The following MYH14 variants were observed in gnomAD, a reference collection of about 807,000 sequenced individuals.
MYH14 encodes myosin heavy chain 14, also known as myosin-14.
A neutral mutation model predicts 255.5 loss-of-function variants in MYH14; 123 were observed. That is an observed-to-expected ratio of 0.48 (90% CI 0.42 to 0.56). MYH14 has a LOEUF of 0.56. Ranked by LOEUF, MYH14 falls within the 20% of genes least tolerant of loss-of-function variation. The probability of loss-of-function intolerance (pLI) is 0.00; values close to 1 mark genes in which losing one functional copy is unlikely to be tolerated. For missense variants in MYH14, 2,423 were observed against 2,802.3 expected (o/e 0.86, Z 3.06); for synonymous variants, 1,095 against 1,161.2 (o/e 0.94, Z 1.16).
chr19:50,261,097 C>T (rs1163197240), intron 20 of MYH14, among the ~76,000 whole-genome samples: 1 of 99,004 alleles, frequency 1.0e-5, no homozygotes, highest in African/African-American at 4.1e-5. Flanking sequence ...AACTCTTCTC[C>T]CCTATCACCC....
At chr19:50,222,692 C>G (rs1477980124) in intron 3 of MYH14, among the ~76,000 whole-genome samples, 2 of 152,060 alleles carry the variant, frequency 1.3e-5, no homozygotes, top group African/African-American at 4.8e-5. Flanking sequence ...CTGTGTTAGG[C>G]CCAGGGCAGG....
At chr19:50,275,039 T>C (rs1344848167) in intron 27 of MYH14, among the ~76,000 whole-genome samples, 1 of 152,184 alleles carries the variant, frequency 6.6e-6, no homozygotes, top group Non-Finnish European at 1.5e-5. Flanking sequence ...ATTCTAGATA[T>C]TTCATACAAC....
Position 50,277,151 on chromosome 19 carries a change from G to C in MYH14, c.3825+250G>C, listed in dbSNP as rs1044654711. Among the ~76,000 whole-genome samples the C allele has an allele frequency of 2.6e-5, 4 of 152,332 alleles. 1 individual carries two copies. Among genetic ancestry groups the C allele is most frequent in the East Asian group, 3.9e-4 (2 of 5,190 alleles). ...CTTCCCTTGTGGAGCTTTCCTTTTA[G>C]TGAGAGAGGCAGAGGGTAAACAATA... On this transcript the variant is annotated intron_variant, in intron 29 of 42. Transcript: ENST00000642316.
rs1232885432 is a variant in MYH14 at position 50,252,675 on chromosome 19, A to G, written c.1867A>G (p.Met623Val). 6.2e-7 allele frequency: 1 copy of G among 1,601,156 alleles called. No homozygotes were observed. Among genetic ancestry groups the G allele is most frequent in the African/African-American group, 1.3e-5 (1 of 74,572 alleles). ...GGCCAACGAGTGGCTGATGAAAAAC[A>G]TGGACCCTCTGAATGACAACGTCGC... Reference protein sequence around the residue: ...YKANEWLMKNMDPLNDNVAAL... With the variant: ...YKANEWLMKNVDPLNDNVAAL... Residue 623 changes from methionine (M) to valine (V), a missense_variant, in exon 16 of 43, where the codon ATG (methionine) becomes GTG (valine). This residue lies in a region of MYH14 where 672 missense variants were observed against 881.8 expected (regional missense o/e 0.76). Transcript: ENST00000642316. The surrounding 1 kb of genome is among the most constrained non-coding windows in gnomAD (Gnocchi z 4.2).
At chr19:50,212,671 T>C (rs1440039335) in intron 2 of MYH14, among the ~76,000 whole-genome samples, 1 of 152,196 alleles carries the variant, frequency 6.6e-6, no homozygotes, top group Non-Finnish European at 1.5e-5. Context: ...AATATTTTTG[T>C]GAAGTCCCAC....
At chr19:50,273,610 G>C (rs978458592) in intron 27 of MYH14, among the ~76,000 whole-genome samples, 2 of 151,066 alleles carry the variant, frequency 1.3e-5, no homozygotes, top group Non-Finnish European at 2.9e-5. Flanking sequence ...GGGTGTGTGT[G>C]TGTGTGTGTG....
At chr19:50,258,835 T>C (rs1600960500) in intron 18 of MYH14, 1 of 300,018 alleles carries the variant, frequency 3.3e-6, no homozygotes, top group Non-Finnish European at 6.1e-6. Context: ...GCGACTCTCT[T>C]GCGTGCAAAT....
At chr19:50,228,285 CAA>C (rs36078426) in intron 8 of MYH14, among the ~76,000 whole-genome samples, 11 of 125,868 alleles carry the variant, frequency 8.7e-5, no homozygotes, top group Admixed American at 1.6e-4. Context: ...GACTCTGTGT[CAA>C]AAAAAAAAAA....
At chr19:50,309,553 CCCCCTCA>C in intron 42 of MYH14, 80 bp from the exon 43 acceptor site, 2 of 831,340 alleles carry the variant, frequency 2.4e-6, no homozygotes, top group Admixed American at 2.1e-5. Context: ...CTCTCTCTCT[CCCCCTCA>C]TCTCTCTCTC....
intron 22 of MYH14, among the ~76,000 whole-genome samples, chr19:50,264,804 T>C (rs2035022322): frequency 6.6e-6 from 1 of 152,012 alleles, no homozygotes; most frequent in Admixed American, 6.6e-5. Flanking sequence ...TTAGTAGGGA[T>C]CAGATGAGCC....
intron 39 of MYH14, among the ~76,000 whole-genome samples, chr19:50,294,741 A>AC (rs1361977687): frequency 2.0e-5 from 3 of 151,486 alleles, no homozygotes; most frequent in Non-Finnish European, 4.4e-5. Context: ...TGTCTCAAAA[A>AC]AAAAAGGTAA....
rs1555776649 is a variant in MYH14, at chr19:50,292,439, A to G, written c.5256+50A>G. Reference sequence around the variant, plus strand: ...TGGGACAGGAAGCTGGGAGGTGGGCAAGGCTAACCTTGAGGTCCCTGGATG... The same window carrying G: ...TGGGACAGGAAGCTGGGAGGTGGGCGAGGCTAACCTTGAGGTCCCTGGATG... On this transcript the variant is annotated intron_variant, in intron 37 of 42. Coordinates refer to ENST00000642316, the MANE Select transcript of MYH14 (RefSeq NM_001145809.2). The G allele has an allele frequency of 6.7e-6, 10 of 1,486,196 alleles. No individual in the cohort carries two copies. The South Asian group carries it at 9.1e-5, about 13-fold the overall frequency. 92.1% of individuals were successfully genotyped at this position (1,486,196 alleles called of 1,614,324 possible).
chr19:50,212,824 C>T (rs538511271), intron 2 of MYH14, among the ~76,000 whole-genome samples: 1 of 152,140 alleles, frequency 6.6e-6, no homozygotes, highest in Non-Finnish European at 1.5e-5. Context: ...CTGGCCCTTT[C>T]CAAATCCTCA....
intron 7 of MYH14, among the ~76,000 whole-genome samples, chr19:50,226,624 C>T (rs939145032): frequency 6.6e-6 from 1 of 151,894 alleles, no homozygotes; most frequent in Non-Finnish European, 1.5e-5. Flanking sequence ...ATCCCTGGGT[C>T]TGAGGGAGGA....
Position 50,276,293 on chromosome 19 carries a change from G to A in MYH14, c.3680+90G>A. The A allele has an allele frequency of 2.9e-6, 3 of 1,030,390 alleles. No individual in the cohort carries two copies. Among genetic ancestry groups the A allele is most frequent in the South Asian group, 1.7e-5 (1 of 59,120 alleles). The allele number at this position is 1,030,390 out of a possible 1,614,324, so 63.8% of individuals were successfully genotyped here. A position where few individuals can be genotyped will look rare whatever the true frequency, so the allele number is the denominator to read the frequency against. On this transcript the variant is annotated intron_variant, in intron 28 of 42. Coordinates refer to ENST00000642316, the MANE Select transcript of MYH14 (RefSeq NM_001145809.2). The surrounding 1 kb of genome is among the most constrained non-coding windows in gnomAD (Gnocchi z 4.3). ...GTACAAAGTCTCTGTCTATACAGAG[G>A]CTTACTTATTGTACAGTTGTTCATG... is the stretch of plus-strand genomic sequence containing the variant.
intron 8 of MYH14, among the ~76,000 whole-genome samples, chr19:50,228,905 G>A (rs1273072859): frequency 1.3e-5 from 2 of 152,152 alleles, no homozygotes; most frequent in Admixed American, 1.3e-4. Flanking sequence ...ATGGCCTGCC[G>A]GGTAAGGAGC....
chr19:50,302,610 A>ATT (rs1168864193), intron 40 of MYH14, among the ~76,000 whole-genome samples: 2 of 150,398 alleles, frequency 1.3e-5, no homozygotes, highest in Non-Finnish European at 3.0e-5. Flanking sequence ...AAAAAAGAAA[A>ATT]GAAAAAGATG....
At chr19:50,259,603 G>T (rs1157775397) in intron 19 of MYH14, among the ~76,000 whole-genome samples, 1 of 152,238 alleles carries the variant, frequency 6.6e-6, no homozygotes, top group Non-Finnish European at 1.5e-5. Context: ...AGAAGGCGGG[G>T]CGCGGTGGCT....
At chr19:50,219,024 T>TAC (rs2032655290) in intron 3 of MYH14, among the ~76,000 whole-genome samples, 1 of 147,454 alleles carries the variant, frequency 6.8e-6, no homozygotes, top group Non-Finnish European at 1.5e-5. Flanking sequence ...TTTTTATATA[T>TAC]ACACACCATG....
Sources: allele counts gnomAD v4.1 joint callset (sites outside exome capture counted in the v4.1 genomes callset), GRCh38; gene constraint gnomAD v4.1.1; regional missense constraint gnomAD v4.1.1; non-coding constraint Gnocchi (gnomAD v3.1); transcripts MANE v1.5; gene names NCBI Gene and HGNC (gene_info 2026-07-23, HGNC 2026-07-21).